PHKB: variants seen among roughly 807,000 people sequenced by gnomAD.
PHKB encodes the protein phosphorylase kinase regulatory subunit beta.
A neutral mutation model predicts 152.1 loss-of-function variants in PHKB; 122 were observed. The observed-to-expected ratio is 0.80, with a 90% CI of 0.69 to 0.93. PHKB has a LOEUF of 0.93. Ranked by LOEUF, PHKB falls within the 40% of genes least tolerant of loss-of-function variation. The pLI is 0.00. For missense variants in PHKB, 1,304 were observed against 1,328.4 expected, an observed-to-expected ratio of 0.98 and a Z score of 0.29; for synonymous variants, 436 against 464.9, an observed-to-expected ratio of 0.94 and a Z score of 0.80.
chr16:47,665,877 G>T lies in PHKB; in HGVS notation c.2427+902G>T, dbSNP rs541884772. ...TATATTTTAAAGACTACCCAATCAG[G>T]GCCCCATGCATTCCTCATCTTTTAG... On this transcript the variant is annotated intron_variant, in intron 25 of 30. Transcript: ENST00000323584. 4 of 1,081,938 alleles carry T rather than the reference G, an allele frequency of 3.7e-6. No individual in the cohort carries two copies. In the South Asian group the frequency reaches 5.0e-5, roughly 14 times the overall value. The allele number at this position is 1,081,938 out of a possible 1,614,324, so 67.0% of individuals were successfully genotyped here.
rs139366349 is a variant in PHKB at position 47,546,264 on chromosome 16, T to A, written c.595-1169T>A. On this transcript the variant is annotated intron_variant, in intron 6 of 30. Coordinates refer to ENST00000323584, the MANE Select transcript of PHKB (RefSeq NM_000293.3). ...GGTCTTTATGATGGTGACCTACAGA[T>A]GGGGTTTTGGTGTGGATGTCCTTTT... is the stretch of plus-strand genomic sequence containing the variant. Among the ~76,000 whole-genome samples, 1,176 of 152,276 alleles carry A rather than the reference T, an allele frequency of 7.7e-3. 16 individuals carry two copies. Among genetic ancestry groups the A allele is most frequent in the African/African-American group, 0.027 (1,136 of 41,568 alleles).
At chr16:47,488,301 T>C (rs1970084037) in intron 1 of PHKB, among the ~76,000 whole-genome samples, 1 of 152,228 alleles carries the variant, frequency 6.6e-6, no homozygotes, top group Non-Finnish European at 1.5e-5. Flanking sequence ...AGTTTTTGCT[T>C]ATTAATTTGT....
intron 7 of PHKB, chr16:47,565,612 C>T (rs747506807): frequency 2.4e-5 from 26 of 1,071,112 alleles, no homozygotes; most frequent in Middle Eastern, 3.0e-4. Flanking sequence ...GCATTTCTGC[C>T]GGATGTGGCA....
At chr16:47,571,201 T>A (rs918930131) in intron 7 of PHKB, among the ~76,000 whole-genome samples, 1 of 152,100 alleles carries the variant, frequency 6.6e-6, no homozygotes, top group Non-Finnish European at 1.5e-5. Context: ...TCCCCAGTAG[T>A]GTGTACTACT....
intron 6 of PHKB, among the ~76,000 whole-genome samples, chr16:47,525,736 T>A (rs572266165): frequency 6.6e-6 from 1 of 152,348 alleles, no homozygotes; most frequent in East Asian, 1.9e-4. Flanking sequence ...CTCTTCATTA[T>A]TCATCTTTAG....
intron 1 of PHKB, among the ~76,000 whole-genome samples, chr16:47,468,546 G>A (rs1472043869): frequency 7.9e-5 from 12 of 152,204 alleles, no homozygotes; most frequent in South Asian, 2.1e-4. Flanking sequence ...TCAGCTACTC[G>A]GGAAGCTGAG....
Position 47,688,929 on chromosome 16 carries a change from C to A in PHKB, c.2631-112C>A. The A allele has an allele frequency of 2.6e-6, 3 of 1,153,034 alleles. No individual in the cohort carries two copies. The South Asian group carries it at 3.7e-5, about 14-fold the overall frequency. The allele number at this position is 1,153,034 out of a possible 1,614,324, so 71.4% of individuals were successfully genotyped here. On this transcript the variant is annotated intron_variant, in intron 26 of 30. Transcript: ENST00000323584. Reference sequence around the variant, plus strand: ...ACGGTTCAGGAAACTCAAACGGCCTCTTCTTCATTCTCCTTTGAATGGGTC... The same window carrying A: ...ACGGTTCAGGAAACTCAAACGGCCTATTCTTCATTCTCCTTTGAATGGGTC...
intron 7 of PHKB, among the ~76,000 whole-genome samples, chr16:47,570,814 G>T (rs1971645172): frequency 6.6e-6 from 1 of 152,026 alleles, no homozygotes; most frequent in Non-Finnish European, 1.5e-5. Context: ...CATTGCTGGA[G>T]AGTTAGTATG....
chr16:47,565,668 T>C, intron 7 of PHKB: 1 of 1,276,672 alleles, frequency 7.8e-7, no homozygotes. Flanking sequence ...CGACCATCCC[T>C]GTTCCTGAGT....
chr16:47,521,149 G>A (rs956662236), intron 6 of PHKB, among the ~76,000 whole-genome samples: 1 of 152,048 alleles, frequency 6.6e-6, no homozygotes, highest in Non-Finnish European at 1.5e-5. Flanking sequence ...GTTTTTATGA[G>A]TTCTTTAGGT....
intron 1 of PHKB, among the ~76,000 whole-genome samples, chr16:47,471,710 C>G (rs977140113): frequency 4.6e-5 from 7 of 152,156 alleles, no homozygotes; most frequent in Non-Finnish European, 7.3e-5. Context: ...GGCCCATTTC[C>G]TGTTAAACGG....
chr16:47,503,832 A>C (rs1192330044), intron 4 of PHKB, among the ~76,000 whole-genome samples: 1 of 152,168 alleles, frequency 6.6e-6, no homozygotes, highest in Non-Finnish European at 1.5e-5. Flanking sequence ...TGTCTCAAAA[A>C]ACAAAAAGAA....
intron 14 of PHKB, among the ~76,000 whole-genome samples, chr16:47,632,532 T>C (rs1306437921): frequency 6.6e-6 from 1 of 152,214 alleles, no homozygotes; most frequent in Non-Finnish European, 1.5e-5. Context: ...TTTGCTGTTG[T>C]AGGCATGAGG....
chr16:47,641,091 G>T lies in PHKB; in HGVS notation c.1514+1G>T. 1.9e-6 allele frequency: 3 copies of T among 1,612,834 alleles called. No individual in the cohort carries two copies. Among genetic ancestry groups the T allele is most frequent in the Non-Finnish European group, 2.5e-6 (3 of 1,178,892 alleles). ...TGGCACTTATAGCAGAAAGCCAAAG[G>T]TATGAAATCCAAGTGGGTGGTGTGT... On this transcript the variant is annotated splice_donor_variant, in intron 15 of 30. Coordinates refer to ENST00000323584, the MANE Select transcript of PHKB (RefSeq NM_000293.3). LOFTEE classifies it high-confidence loss of function.
chr16:47,617,446 C>T (rs1361660100), intron 14 of PHKB, among the ~76,000 whole-genome samples: 1 of 151,902 alleles, frequency 6.6e-6, no homozygotes, highest in Non-Finnish European at 1.5e-5. Context: ...GACCCTCTTT[C>T]TTTCCTCCCT....
chr16:47,583,486 A>G (rs963003547), intron 8 of PHKB, among the ~76,000 whole-genome samples: 2 of 152,254 alleles, frequency 1.3e-5, no homozygotes, highest in African/African-American at 2.4e-5. Flanking sequence ...GAGGGATTTC[A>G]GATCATATTG....
chr16:47,543,376 T>A lies in PHKB; in HGVS notation c.595-4057T>A, dbSNP rs1217125238. ...CAACTTGATCGTGTTGGATAAGCTT[T>A]TTGATGTGCTGCTGGATTCAATTTG... On this transcript the variant is annotated intron_variant, in intron 6 of 30. Transcript: ENST00000323584. 1.3e-5 allele frequency among the ~76,000 whole-genome samples: 2 copies of A among 152,192 alleles called. 1 individual carries two copies. Among genetic ancestry groups the A allele is most frequent in the Non-Finnish European group, 2.9e-5 (2 of 68,026 alleles).
At chr16:47,510,607 C>A (rs1300680807) in intron 4 of PHKB, among the ~76,000 whole-genome samples, 1 of 152,084 alleles carries the variant, frequency 6.6e-6, no homozygotes, top group Non-Finnish European at 1.5e-5. Flanking sequence ...AAGTATAAAA[C>A]AGGAAAAATA....
intron 14 of PHKB, among the ~76,000 whole-genome samples, chr16:47,627,107 G>A (rs1175021403): frequency 2.0e-5 from 3 of 152,150 alleles, no homozygotes; most frequent in African/African-American, 4.8e-5. Flanking sequence ...AAACCTGAGA[G>A]TTAAATGACT....
Sources: gnomAD v4.1 joint callset for allele counts (sites outside exome capture counted in the v4.1 genomes callset) on GRCh38, gnomAD v4.1.1 for gene constraint, MANE v1.5 for transcripts, NCBI Gene and HGNC (gene_info 2026-07-23, HGNC 2026-07-21) for gene names.